The following GALNT11 variants were observed in gnomAD, a reference collection of about 807,000 sequenced individuals.
GALNT11 encodes the protein UDP-GalNAc:polypeptide N-acetylgalactosaminyltransferase 11.
Under a neutral mutation model 72.7 loss-of-function variants are expected in GALNT11, and 47 were observed. The ratio of observed to expected loss-of-function variants is 0.65; its 90% confidence interval spans 0.51 to 0.82. The LOEUF is 0.82. Ranked by LOEUF, GALNT11 falls within the 40% of genes least tolerant of loss-of-function variation. The probability of loss-of-function intolerance (pLI) is 0.00; values close to 1 mark genes in which losing one functional copy is unlikely to be tolerated. For missense variants in GALNT11, 677 were observed against 778.4 expected (o/e 0.87, Z 1.55); for synonymous variants, 270 against 286.6 (o/e 0.94, Z 0.58).
chr7:152,087,796 CTT>C (rs1207417613), intron 1 of GALNT11, among the ~76,000 whole-genome samples: 1 of 152,150 alleles, frequency 6.6e-6, no homozygotes, highest in East Asian at 1.9e-4. Context: ...GTATCTGACA[CTT>C]TACATATTTT....
Position 152,102,326 on chromosome 7 carries a change from G to A in GALNT11, c.420-786G>A, listed in dbSNP as rs549465381. Among the ~76,000 whole-genome samples, 15 of 151,586 alleles carry A rather than the reference G, an allele frequency of 9.9e-5. No individual in the cohort carries two copies. In the South Asian group the frequency reaches 2.5e-3, roughly 25 times the overall value. On this transcript the variant is annotated intron_variant, in intron 3 of 11. Coordinates refer to ENST00000430044, the MANE Select transcript of GALNT11 (RefSeq NM_022087.4). ...TGGGAGGGCGCGGTGGGTGGATCACGAGGTCAGGAGATCGAGACCATCCTG... is the reference window on the plus strand; with the variant it reads ...TGGGAGGGCGCGGTGGGTGGATCACAAGGTCAGGAGATCGAGACCATCCTG...
intron 1 of GALNT11, among the ~76,000 whole-genome samples, chr7:152,027,400 A>C (rs2082073829): frequency 1.3e-5 from 2 of 152,234 alleles, no homozygotes; most frequent in Admixed American, 6.5e-5. Context: ...AGTGCTACAA[A>C]CAACCTGCAA....
At chr7:152,052,002 C>T (rs750470998) in intron 1 of GALNT11, among the ~76,000 whole-genome samples, 12 of 152,034 alleles carry the variant, frequency 7.9e-5, no homozygotes, top group African/African-American at 2.4e-5. Flanking sequence ...TTTTCATTAC[C>T]CCAAACAGAA....
At chr7:152,103,330 G>A in intron 4 of GALNT11, 52 bp downstream of exon 4, 1 of 1,560,530 alleles carries the variant, frequency 6.4e-7, no homozygotes, top group African/African-American at 1.3e-5. Context: ...AGTCACTACA[G>A]CACTGACAAA....
chr7:152,110,603 C>T lies in GALNT11; in HGVS notation c.1038C>T (p.Gly346=), dbSNP rs780366441. Residue 346 remains glycine, a synonymous_variant, in exon 7 of 12, where the codon GGC becomes GGT. Coordinates refer to ENST00000430044, the MANE Select transcript of GALNT11 (RefSeq NM_022087.4). ...YFHELGQYDS[G]MDIWGGENLE... is the part of the protein sequence containing the mutation. ...ATGAACTTGGACAGTATGATAGTGG[C>T]ATGGATATCTGGGGAGGAGAAAATT... The T allele has an allele frequency of 6.2e-5, 100 of 1,612,264 alleles. No individual in the cohort carries two copies. The highest frequency in any genetic ancestry group is 8.5e-5 in the Non-Finnish European group (100 of 1,179,666).
chr7:152,115,525 T>C (rs780866658), intron 8 of GALNT11, among the ~76,000 whole-genome samples: 2 of 152,236 alleles, frequency 1.3e-5, no homozygotes, highest in Non-Finnish European at 2.9e-5. Context: ...AAAACACTTG[T>C]GCAGTTGTTT....
intron 1 of GALNT11, among the ~76,000 whole-genome samples, chr7:152,031,740 C>T (rs1015116637): frequency 9.9e-5 from 15 of 152,128 alleles, no homozygotes; most frequent in Non-Finnish European, 1.9e-4. Context: ...TGTGGGAAGG[C>T]TTAAAGCTGG....
chr7:152,051,232 G>GTTTTTTTTTTTTTTTTT (rs2083390279), intron 1 of GALNT11, among the ~76,000 whole-genome samples: 1 of 93,590 alleles, frequency 1.1e-5, no homozygotes, highest in Non-Finnish European at 2.0e-5. Flanking sequence ...TTTTTCAGTA[G>GTTTTTTTTTTTTTTTTT]TTTGTGCCAG....
At chr7:152,083,987 TCA>T (rs1179326615) in intron 1 of GALNT11, among the ~76,000 whole-genome samples, 2 of 152,208 alleles carry the variant, frequency 1.3e-5, no homozygotes, top group Admixed American at 6.5e-5. Flanking sequence ...TGGGGGAGGT[TCA>T]GTCTTTGTCA....
At chr7:152,107,237 T>C (rs2087664689) in intron 5 of GALNT11, 1 of 144,062 alleles carries the variant, frequency 6.9e-6, no homozygotes, top group Admixed American at 6.7e-5. Context: ...GCTCTTAAAT[T>C]TGAAATTATA....
At chr7:152,118,844 T>G (rs2089145647) in intron 10 of GALNT11, 62 bp downstream of exon 10, 3 of 1,349,786 alleles carry the variant, frequency 2.2e-6, no homozygotes, top group Non-Finnish European at 2.1e-6. Context: ...GTAGGGAAGC[T>G]GCTGCCAGTC....
intron 9 of GALNT11, 143 bp downstream of exon 9, chr7:152,117,518 T>C: frequency 2.5e-6 from 2 of 788,668 alleles, no homozygotes; most frequent in Non-Finnish European, 4.1e-6. Context: ...TTATATTCTC[T>C]TTATGGGAAC....
intron 2 of GALNT11, among the ~76,000 whole-genome samples, chr7:152,096,934 C>T (rs2086426020): frequency 6.6e-6 from 1 of 152,066 alleles, no homozygotes; most frequent in Admixed American, 6.6e-5. Flanking sequence ...CTCGTTTGAT[C>T]CTCCTGCCTC....
At chr7:152,035,240 T>C (rs1409986072) in intron 1 of GALNT11, among the ~76,000 whole-genome samples, 15 of 152,184 alleles carry the variant, frequency 9.9e-5, no homozygotes, top group Admixed American at 9.8e-4. Flanking sequence ...TATGTCTTTC[T>C]AATTGGTGAG....
At chr7:152,031,044 G>A (rs1370886149) in intron 1 of GALNT11, among the ~76,000 whole-genome samples, 1 of 152,226 alleles carries the variant, frequency 6.6e-6, no homozygotes, top group East Asian at 1.9e-4. Flanking sequence ...TGCAGCACAG[G>A]CATGTAGGAT....
intron 1 of GALNT11, among the ~76,000 whole-genome samples, chr7:152,070,085 C>T (rs1428149464): frequency 6.6e-6 from 1 of 151,600 alleles, no homozygotes; most frequent in Non-Finnish European, 1.5e-5. Context: ...CAAGCTCCGC[C>T]TCCCGGGTTC....
chr7:152,081,439 C>T (rs145562239), intron 1 of GALNT11, among the ~76,000 whole-genome samples: 1 of 152,308 alleles, frequency 6.6e-6, no homozygotes, highest in Non-Finnish European at 1.5e-5. Context: ...AGATTTTAGT[C>T]CTTTGCGACC....
chr7:152,115,706 T>C (rs947021747), intron 8 of GALNT11, among the ~76,000 whole-genome samples: 9 of 152,234 alleles, frequency 5.9e-5, no homozygotes, highest in Admixed American at 3.9e-4. Context: ...AAGTGAAAAT[T>C]AGAATTTTGA....
intron 9 of GALNT11, chr7:152,117,624 G>A (rs189566392): frequency 8.1e-5 from 43 of 532,680 alleles, no homozygotes; most frequent in Middle Eastern, 5.1e-4. Context: ...TTCCAAGAGC[G>A]CAGAGGCATA....
Sources: gnomAD v4.1 joint callset for allele counts (sites outside exome capture counted in the v4.1 genomes callset) on GRCh38, gnomAD v4.1.1 for gene constraint, MANE v1.5 for transcripts, NCBI Gene and HGNC (gene_info 2026-07-23, HGNC 2026-07-21) for gene names.